RORA: variants seen among roughly 807,000 people sequenced by gnomAD.
RORA encodes nuclear receptor ROR-alpha.
A neutral mutation model predicts 69.5 loss-of-function variants in RORA; 7 were observed. The ratio of observed to expected loss-of-function variants is 0.10; its 90% confidence interval spans 0.06 to 0.19. The LOEUF is 0.19. RORA is among the 10% of genes least tolerant of loss of function. The probability of loss-of-function intolerance (pLI) is 1.00; values close to 1 mark genes in which losing one functional copy is unlikely to be tolerated. For synonymous variants in RORA, 261 were observed against 240.8 expected (o/e 1.08, Z -0.78); for missense variants, 457 against 663.0 (o/e 0.69, Z 3.41).
At chr15:60,825,264 A>G (rs1227558072) in intron 1 of RORA, among the ~76,000 whole-genome samples, 3 of 152,194 alleles carry the variant, frequency 2.0e-5, no homozygotes, top group Admixed American at 2.0e-4. Context: ...AGCACATGCT[A>G]AGTACTTCTA....
At chr15:61,080,442 G>A (rs1242189667) in intron 1 of RORA, among the ~76,000 whole-genome samples, 1 of 152,152 alleles carries the variant, frequency 6.6e-6, no homozygotes. Context: ...GTACAATAAT[G>A]GACAGTAGCA....
chr15:60,659,325 A>C (rs2070268409), intron 2 of RORA, among the ~76,000 whole-genome samples: 1 of 152,222 alleles, frequency 6.6e-6, no homozygotes, highest in African/African-American at 2.4e-5. Flanking sequence ...AGTAGAACTG[A>C]CTTTGAACAA....
At chr15:60,928,441 A>G (rs1470889526) in intron 1 of RORA, among the ~76,000 whole-genome samples, 3 of 152,182 alleles carry the variant, frequency 2.0e-5, no homozygotes, top group Non-Finnish European at 4.4e-5. Context: ...CAACAACAAA[A>G]GCATTCGCGC....
At chr15:60,726,143 G>T (rs1341038247) in intron 1 of RORA, among the ~76,000 whole-genome samples, 1 of 152,076 alleles carries the variant, frequency 6.6e-6, no homozygotes, top group East Asian at 1.9e-4. Flanking sequence ...TGAGGTTGGG[G>T]TGTGACTCCG....
At chr15:60,652,221 A>G (rs1213498381) in intron 2 of RORA, among the ~76,000 whole-genome samples, 3 of 152,016 alleles carry the variant, frequency 2.0e-5, no homozygotes, top group East Asian at 1.9e-4. Flanking sequence ...TTTAGTAGCT[A>G]TGTAATAATG....
chr15:60,693,816 A>T (rs2070864445), intron 1 of RORA, among the ~76,000 whole-genome samples: 1 of 152,214 alleles, frequency 6.6e-6, no homozygotes. Flanking sequence ...ATGGAGAAAC[A>T]TTCCATCCTC....
intron 1 of RORA, among the ~76,000 whole-genome samples, chr15:61,167,482 A>ATTTTTTTTTTTTTTTT (rs199752865): frequency 8.2e-5 from 11 of 133,686 alleles, no homozygotes; most frequent in African/African-American, 3.1e-4. Flanking sequence ...TTTGACCAGG[A>ATTTTTTTTTTTTTTTT]TTTTTTTTTT....
intron 1 of RORA, among the ~76,000 whole-genome samples, chr15:61,030,408 TATTCTC>T (rs1896099895): frequency 6.6e-6 from 1 of 152,208 alleles, no homozygotes; most frequent in African/African-American, 2.4e-5. Context: ...GTTGGCAACT[TATTCTC>T]AGATGATTGA....
At chr15:60,597,601 T>C (rs1300930096) in intron 2 of RORA, among the ~76,000 whole-genome samples, 9 of 41,846 alleles carry the variant, frequency 2.2e-4, no homozygotes, top group African/African-American at 8.6e-4. Flanking sequence ...TATACACATA[T>C]ATATATATAT....
In RORA at chr15:61,048,026, TG is replaced by T. The variant is rs1421428894; in HGVS notation, c.166+181026del. Among the ~76,000 whole-genome samples the T allele has an allele frequency of 4.6e-5, 7 of 152,178 alleles. 1 individual carries two copies. Among genetic ancestry groups the T allele is most frequent in the African/African-American group, 1.7e-4 (7 of 41,442 alleles). On this transcript the variant is annotated intron_variant, in intron 1 of 10. Coordinates refer to ENST00000335670, the MANE Select transcript of RORA (RefSeq NM_134261.3). ...GTAAGTAAGCATTTAGATATGGCTT[TG>T]GAAAAGAAAACACACACCTAAAAGA...
At position 60,545,769 on chromosome 15, in the gene RORA, T is replaced by C. The variant is rs112717109; in HGVS notation, c.197-13918A>G. Among the ~76,000 whole-genome samples the C allele has an allele frequency of 3.8e-3, 574 of 152,336 alleles. 5 individuals carry two copies. The highest frequency in any genetic ancestry group is 0.013 in the African/African-American group (553 of 41,570). On this transcript the variant is annotated intron_variant, in intron 2 of 10. Transcript: ENST00000335670. ...GACACTGCAAGTTAACCTCAAAGAATGTCTTCTTTGGGCATAATTTTACAA... is the reference window on the plus strand; with the variant it reads ...GACACTGCAAGTTAACCTCAAAGAACGTCTTCTTTGGGCATAATTTTACAA...
At position 60,768,964 on chromosome 15, in the gene RORA, T is replaced by C. The variant is rs990543946; in HGVS notation, c.167-90278A>G. Among the ~76,000 whole-genome samples, 6 of 152,212 alleles carry C rather than the reference T, an allele frequency of 3.9e-5. No individual in the cohort carries two copies. The East Asian group carries it at 1.2e-3, about 29-fold the overall frequency. ...AAATCTTCACTGAATGTGTACTGCATGTGTGGTTATTTTTAAAACGTGCAC... is the reference window on the plus strand; with the variant it reads ...AAATCTTCACTGAATGTGTACTGCACGTGTGGTTATTTTTAAAACGTGCAC... On this transcript the variant is annotated intron_variant, in intron 1 of 10. Coordinates refer to ENST00000335670, the MANE Select transcript of RORA (RefSeq NM_134261.3).
At chr15:60,856,495 T>C (rs115276739) in intron 1 of RORA, among the ~76,000 whole-genome samples, 13,566 of 151,794 alleles carry the variant, frequency 0.089, 647 homozygotes, top group African/African-American at 0.1. Flanking sequence ...CTGACCTTTT[T>C]TTTTTTTTCT....
intron 1 of RORA, among the ~76,000 whole-genome samples, chr15:60,755,047 A>G (rs2071778145): frequency 6.7e-6 from 1 of 150,006 alleles, no homozygotes. Flanking sequence ...GGTTTGTTAC[A>G]TATGTATACA....
At chr15:60,633,543 G>A (rs1458562637) in intron 2 of RORA, among the ~76,000 whole-genome samples, 1 of 152,220 alleles carries the variant, frequency 6.6e-6, no homozygotes, top group Non-Finnish European at 1.5e-5. Context: ...CTTCCTAAGA[G>A]AGTTCAGAGG....
chr15:60,508,761 C>T (rs1000498517), intron 5 of RORA, among the ~76,000 whole-genome samples: 1 of 152,172 alleles, frequency 6.6e-6, no homozygotes, highest in African/African-American at 2.4e-5. Flanking sequence ...CCCATATAAG[C>T]GGATTTCTTG....
At chr15:60,820,950 T>C (rs908956022) in intron 1 of RORA, among the ~76,000 whole-genome samples, 3 of 149,982 alleles carry the variant, frequency 2.0e-5, no homozygotes, top group Admixed American at 2.0e-4. Context: ...GTGGTTGATC[T>C]CTAACCCCCA....
At chr15:60,775,186 C>T (rs1187870795) in intron 1 of RORA, among the ~76,000 whole-genome samples, 1 of 152,142 alleles carries the variant, frequency 6.6e-6, no homozygotes, top group African/African-American at 2.4e-5. Context: ...TAACGTGACT[C>T]TAAATGGATG....
intron 1 of RORA, among the ~76,000 whole-genome samples, chr15:60,954,785 G>C (rs946539563): frequency 6.6e-6 from 1 of 152,132 alleles, no homozygotes; most frequent in Non-Finnish European, 1.5e-5. Flanking sequence ...AGTTATTTTT[G>C]CTGAGCTCTC....
Sources: allele counts gnomAD v4.1 joint callset (sites outside exome capture counted in the v4.1 genomes callset), GRCh38; gene constraint gnomAD v4.1.1; transcripts MANE v1.5; gene names NCBI Gene and HGNC (gene_info 2026-07-23, HGNC 2026-07-21).